HTR1D: variants seen among roughly 807,000 people sequenced by gnomAD.
HTR1D encodes the protein 5-hydroxytryptamine receptor 1D, also known as 5-HT-1D.
A neutral mutation model predicts 21.1 loss-of-function variants in HTR1D; 18 were observed. The observed-to-expected ratio is 0.85, with a 90% confidence interval of 0.59 to 1.27. HTR1D has a LOEUF of 1.27. Among genes scored for constraint, HTR1D ranks in the 50% most tolerant of loss-of-function variants. The pLI is 0.00. For synonymous variants in HTR1D, 196 were observed against 204.4 expected (o/e 0.96, Z 0.35); for missense variants, 456 against 481.4 (o/e 0.95, Z 0.49).
chr1:23,195,553 C>G (rs1644685573), intron 1 of HTR1D, among the ~76,000 whole-genome samples: 1 of 152,128 alleles, frequency 6.6e-6, no homozygotes, highest in Non-Finnish European at 1.5e-5. Flanking sequence ...ATTGTCCTGC[C>G]TCAGTCTCCC....
intron 1 of HTR1D, among the ~76,000 whole-genome samples, chr1:23,203,990 T>TA (rs1644719774): frequency 2.0e-5 from 3 of 152,166 alleles, no homozygotes; most frequent in African/African-American, 7.2e-5. Context: ...AAAAAAATGT[T>TA]AAAAAAAATT....
intron 1 of HTR1D, among the ~76,000 whole-genome samples, chr1:23,199,971 G>T (rs1444841294): frequency 6.6e-6 from 1 of 152,146 alleles, no homozygotes; most frequent in African/African-American, 2.4e-5. Flanking sequence ...CTCCCAAAGT[G>T]CTGGGATTAC....
At chr1:23,198,069 T>TAA (rs565641689) in intron 1 of HTR1D, among the ~76,000 whole-genome samples, 4 of 130,246 alleles carry the variant, frequency 3.1e-5, no homozygotes, top group South Asian at 2.5e-4. Context: ...TCCTGTCTCT[T>TAA]AAAAAAAAAA....
chr1:23,207,440 A>G (rs1644736254), intron 1 of HTR1D, among the ~76,000 whole-genome samples: 1 of 152,130 alleles, frequency 6.6e-6, no homozygotes, highest in African/African-American at 2.4e-5. Context: ...AAAAACAACA[A>G]CAGATATCTA....
chr1:23,209,202 T>C (rs752669922), intron 1 of HTR1D, among the ~76,000 whole-genome samples: 1 of 152,258 alleles, frequency 6.6e-6, no homozygotes, highest in African/African-American at 2.4e-5. Context: ...TTTCACCATG[T>C]TGGCTAGGCT....
At chr1:23,197,051 T>A (rs1179435422) in intron 1 of HTR1D, among the ~76,000 whole-genome samples, 2 of 152,164 alleles carry the variant, frequency 1.3e-5, no homozygotes, top group Non-Finnish European at 2.9e-5. Context: ...GGTGCGTCAT[T>A]TCCCAAGGAA....
chr1:23,210,735 T>C (rs1378183208), intron 1 of HTR1D, among the ~76,000 whole-genome samples: 3 of 151,970 alleles, frequency 2.0e-5, no homozygotes, highest in South Asian at 2.1e-4. Flanking sequence ...CCCCCCCAGC[T>C]CTCATCTGAG....
At chr1:23,199,655 G>A (rs1022943397) in intron 1 of HTR1D, among the ~76,000 whole-genome samples, 1 of 151,856 alleles carries the variant, frequency 6.6e-6, no homozygotes, top group Non-Finnish European at 1.5e-5. Context: ...TCGTGTGTGT[G>A]TGTTTGTACT....
At chr1:23,210,963 C>G (rs1206453173) in intron 1 of HTR1D, among the ~76,000 whole-genome samples, 1 of 152,126 alleles carries the variant, frequency 6.6e-6, no homozygotes, top group East Asian at 1.9e-4. Flanking sequence ...ACTGGATAAA[C>G]AAGGTACTAA....
At chr1:23,210,731 C>A (rs1644750377) in intron 1 of HTR1D, among the ~76,000 whole-genome samples, 1 of 152,114 alleles carries the variant, frequency 6.6e-6, no homozygotes, top group African/African-American at 2.4e-5. Context: ...GTCTCCCCCC[C>A]AGCTCTCATC....
At position 23,202,427 on chromosome 1, in the gene HTR1D, G is replaced by A. The variant is rs1233295574; in HGVS notation, c.-782-7426C>T. 3.3e-5 allele frequency among the ~76,000 whole-genome samples: 5 copies of A among 152,228 alleles called. No individual in the cohort carries two copies. In the East Asian group the frequency reaches 5.8e-4, roughly 18 times the overall value. On this transcript the variant is annotated intron_variant, in intron 1 of 1. Coordinates refer to ENST00000374619, the MANE Select transcript of HTR1D (RefSeq NM_000864.5). ...TGGCCTCTTACAAAAGCAAAAGCTG[G>A]CCTCTTACAAAAGCTTCCTATCCAG...
chr1:23,210,760 G>A (rs1408697123), intron 1 of HTR1D, among the ~76,000 whole-genome samples: 1 of 152,066 alleles, frequency 6.6e-6, no homozygotes, highest in African/African-American at 2.4e-5. Flanking sequence ...CACACCAGGT[G>A]AGTAATCCTG....
intron 1 of HTR1D, among the ~76,000 whole-genome samples, chr1:23,209,327 C>T (rs570262586): frequency 1.3e-5 from 2 of 152,134 alleles, no homozygotes; most frequent in African/African-American, 4.8e-5. Flanking sequence ...AATGTGGCTA[C>T]TTTGAAATTT....
intron 1 of HTR1D, among the ~76,000 whole-genome samples, chr1:23,196,100 C>A (rs1372595552): frequency 6.6e-6 from 1 of 152,116 alleles, no homozygotes; most frequent in Non-Finnish European, 1.5e-5. Flanking sequence ...CTTGACCTCC[C>A]AAAGTGCTGG....
At chr1:23,213,435 G>A (rs1644761574) in intron 1 of HTR1D, among the ~76,000 whole-genome samples, 1 of 151,980 alleles carries the variant, frequency 6.6e-6, no homozygotes, top group African/African-American at 2.4e-5. Context: ...AGCTGAAATC[G>A]CACCATTGCA....
chr1:23,203,647 CCCCTGTCTT>C (rs1644718354), intron 1 of HTR1D, among the ~76,000 whole-genome samples: 2 of 151,904 alleles, frequency 1.3e-5, no homozygotes, highest in African/African-American at 4.8e-5. Context: ...ACAGAGTGAG[CCCCTGTCTT>C]AAAACAAACA....
At chr1:23,214,272 C>T (rs1644765171) in intron 1 of HTR1D, among the ~76,000 whole-genome samples, 1 of 151,992 alleles carries the variant, frequency 6.6e-6, no homozygotes, top group African/African-American at 2.4e-5. Context: ...ACAAAAAATA[C>T]AAAAATTAGC....
At chr1:23,205,480 G>C (rs568202065) in intron 1 of HTR1D, among the ~76,000 whole-genome samples, 11 of 152,304 alleles carry the variant, frequency 7.2e-5, no homozygotes, top group African/African-American at 2.6e-4. Context: ...TTAATTCACT[G>C]AGTTTGAGGG....
intron 1 of HTR1D, among the ~76,000 whole-genome samples, chr1:23,202,547 G>A (rs1321216077): frequency 6.6e-6 from 1 of 152,204 alleles, no homozygotes; most frequent in African/African-American, 2.4e-5. Context: ...CAAAAAGGAT[G>A]TATGGGTTTA....
Sources: allele counts gnomAD v4.1 joint callset (sites outside exome capture counted in the v4.1 genomes callset), GRCh38; gene constraint gnomAD v4.1.1; transcripts MANE v1.5; gene names NCBI Gene and HGNC (gene_info 2026-07-23, HGNC 2026-07-21).